ANKRD28: variants seen among roughly 807,000 people sequenced by gnomAD.
The protein encoded by ANKRD28 is serine/threonine-protein phosphatase 6 regulatory ankyrin repeat subunit A.
ANKRD28 carries 44 observed loss-of-function variants against 126.5 expected under a neutral mutation model. The ratio of observed to expected loss-of-function variants is 0.35; its 90% CI spans 0.27 to 0.45. The LOEUF is 0.45. ANKRD28 is among the 20% of genes least tolerant of loss of function. The pLI, the probability that ANKRD28 is intolerant of heterozygous loss-of-function variation, is 1.00. For synonymous variants in ANKRD28, 442 were observed against 468.5 expected, an observed-to-expected ratio of 0.94 and a Z score of 0.73; for missense variants, 1,110 against 1,316.6, an observed-to-expected ratio of 0.84 and a Z score of 2.43.
chr3:15,733,055 T>C (rs992926228), intron 6 of ANKRD28: 1 of 152,286 alleles, frequency 6.6e-6, no homozygotes, highest in Admixed American at 6.5e-5. Flanking sequence ...TAATCCCAGC[T>C]ACTCAGGAGG....
At position 15,670,139 on chromosome 3, in the gene ANKRD28, G is replaced by C. The variant is rs1348149211; in HGVS notation, c.*131C>G. On this transcript the variant is annotated 3_prime_UTR_variant, in exon 28 of 28. Coordinates refer to ENST00000683139, the MANE Select transcript of ANKRD28 (RefSeq NM_001349278.2). ...AAAACTCTTCCTCCTAATGCCATCA[G>C]ATCTCTTAACATTGGCTCACTGTGG... 9.8e-7 allele frequency: 1 copy of C among 1,022,332 alleles called. No individual in the cohort carries two copies. The highest frequency in any genetic ancestry group is 1.6e-5 in the African/African-American group (1 of 61,432). The allele number at this position is 1,022,332 out of a possible 1,614,324, so 63.3% of individuals were successfully genotyped here.
intron 14 of ANKRD28, among the ~76,000 whole-genome samples, chr3:15,701,203 T>G (rs1422620290): frequency 6.6e-6 from 1 of 152,246 alleles, no homozygotes; most frequent in East Asian, 1.9e-4. Flanking sequence ...CTTTAAATGC[T>G]GAATTTCTTA....
chr3:15,772,789 C>T (rs113041339), intron 2 of ANKRD28, among the ~76,000 whole-genome samples: 3,286 of 152,222 alleles, frequency 0.022, 121 homozygotes, highest in African/African-American at 0.074. Flanking sequence ...CGGGTTCAAG[C>T]GATTCTCCTG....
At position 15,815,422 on chromosome 3, in the gene ANKRD28, C is replaced by G. The variant is rs6805034; in HGVS notation, c.28-20116G>C. ...AATGATCCTCCCACCTCAGCCTCCT[C>G]AGTAGCTGCGACCACAGGCATGCAT... On this transcript the variant is annotated intron_variant, in intron 1 of 27. Coordinates refer to the ANKRD28 transcript ENST00000399451. This position sits in a 1 kb window ranked among gnomAD's most constrained non-coding sequence, Gnocchi z 4.1. 0.81 allele frequency among the ~76,000 whole-genome samples: 123,882 copies of G among 152,052 alleles called. 50,607 individuals are homozygous for G. Among genetic ancestry groups the G allele is most frequent in the East Asian group, 0.93 (4,813 of 5,174 alleles).
intron 1 of ANKRD28, among the ~76,000 whole-genome samples, chr3:15,813,960 G>A (rs1442466075): frequency 6.6e-6 from 1 of 152,138 alleles, no homozygotes; most frequent in African/African-American, 2.4e-5. Context: ...ATTTTCAGCT[G>A]TTTAACATTT....
chr3:15,820,319 T>C (rs2060915617), intron 1 of ANKRD28, among the ~76,000 whole-genome samples: 1 of 152,212 alleles, frequency 6.6e-6, no homozygotes, highest in Non-Finnish European at 1.5e-5. Flanking sequence ...TGCTTTATTA[T>C]ACCTGACAGT....
chr3:15,748,872 A>C (rs2057660551), intron 4 of ANKRD28, among the ~76,000 whole-genome samples: 1 of 152,106 alleles, frequency 6.6e-6, no homozygotes, highest in Non-Finnish European at 1.5e-5. Context: ...AACTTCTTGG[A>C]GACTTCGTTC....
Position 15,745,667 on chromosome 3 carries a change from G to C in ANKRD28, c.351+6083C>G, listed in dbSNP as rs377309656. On this transcript the variant is annotated intron_variant, in intron 4 of 27. Transcript: ENST00000683139. ...TGATGCCTCCAGATTTGGTCTTTTT[G>C]CTTAGTCTTGCTTTGGCTATGCAGG... Among the ~76,000 whole-genome samples the C allele has an allele frequency of 2.7e-3, 407 of 152,098 alleles. 1 individual carries two copies. The highest frequency in any genetic ancestry group is 9.5e-3 in the African/African-American group (393 of 41,486).
intron 1 of ANKRD28, among the ~76,000 whole-genome samples, chr3:15,825,209 G>A (rs772665301): frequency 1.1e-4 from 17 of 152,202 alleles, no homozygotes; most frequent in Non-Finnish European, 2.2e-4. Context: ...TAAATGAAGA[G>A]AAAGAAAAGC....
intron 1 of ANKRD28, among the ~76,000 whole-genome samples, chr3:15,835,910 T>C (rs1000639932): frequency 6.6e-6 from 1 of 152,138 alleles, no homozygotes; most frequent in African/African-American, 2.4e-5. Flanking sequence ...TAATTACAGG[T>C]AAAGGAAAAA....
At chr3:15,836,467 C>T (rs1456730524) in intron 1 of ANKRD28, among the ~76,000 whole-genome samples, 8 of 152,042 alleles carry the variant, frequency 5.3e-5, no homozygotes, top group Non-Finnish European at 8.8e-5. Context: ...AACTGAGATA[C>T]AAATCCAACC....
chr3:15,712,471 C>G (rs2072438711), intron 10 of ANKRD28, among the ~76,000 whole-genome samples: 2 of 152,172 alleles, frequency 1.3e-5, no homozygotes, highest in South Asian at 4.1e-4. Context: ...ACGTGAGAAG[C>G]CATTCTGTGC....
rs560909955 is a variant in ANKRD28 at position 15,707,881 on chromosome 3, T to C, written c.1547+43A>G. 4 of 1,578,006 alleles carry C rather than the reference T, an allele frequency of 2.5e-6. No individual in the cohort carries two copies. The East Asian group carries it at 9.1e-5, about 36-fold the overall frequency. On this transcript the variant is annotated intron_variant, in intron 14 of 27. Transcript: ENST00000683139. ...AACATCCATATGGAAGATGCCAGTT[T>C]ATAGAAATATTGATCCTCCACTCTC...
intron 6 of ANKRD28, chr3:15,733,614 T>A (rs2074808966): frequency 6.6e-6 from 1 of 152,250 alleles, no homozygotes; most frequent in Admixed American, 6.5e-5. Flanking sequence ...CAAAATGTAG[T>A]AATTTTCTGA....
At chr3:15,837,979 A>G (rs1175004674) in intron 1 of ANKRD28, among the ~76,000 whole-genome samples, 1 of 152,140 alleles carries the variant, frequency 6.6e-6, no homozygotes, top group African/African-American at 2.4e-5. Flanking sequence ...AGGAATTAAA[A>G]GAATTTTAAG....
intron 2 of ANKRD28, among the ~76,000 whole-genome samples, chr3:15,779,376 C>T (rs1363484685): frequency 1.3e-5 from 2 of 152,058 alleles, no homozygotes; most frequent in East Asian, 3.8e-4. Flanking sequence ...ACCAACATAC[C>T]AAATATTATC....
At chr3:15,703,278 A>C (rs2070882592) in intron 14 of ANKRD28, among the ~76,000 whole-genome samples, 1 of 152,246 alleles carries the variant, frequency 6.6e-6, no homozygotes, top group South Asian at 2.1e-4. Flanking sequence ...AAAACAGACA[A>C]AAATAAACTG....
At chr3:15,850,204 A>AATATATATATATATATAT (rs1226795631) in intron 1 of ANKRD28, among the ~76,000 whole-genome samples, 10 of 54,818 alleles carry the variant, frequency 1.8e-4, no homozygotes, top group Non-Finnish European at 2.7e-4. Flanking sequence ...AAAAAAAAAA[A>AATATATATATATATATAT]ATATATATAT....
At position 15,670,342 on chromosome 3, in the gene ANKRD28, G is replaced by A. The variant is rs1371370932; in HGVS notation, c.3180C>T (p.Asn1060=). ...NEPSSYCSFN[N]IGGEQEYLYT... is the part of the protein sequence containing the mutation. ...ATAAGTACTCCTGTTCCCCTCCAAT[G>A]TTATTGAAACTGCAATAGGAGCTAG... The change falls in exon 28 of 28, where the codon AAC becomes AAT. Residue 1060 remains asparagine, a synonymous_variant. Coordinates refer to ENST00000683139, the MANE Select transcript of ANKRD28 (RefSeq NM_001349278.2). 42 of 1,613,808 alleles carry A rather than the reference G, an allele frequency of 2.6e-5. 1 individual carries two copies. In the Admixed American group the frequency reaches 6.0e-4, roughly 23 times the overall value.
Sources: gnomAD v4.1 joint callset for allele counts (sites outside exome capture counted in the v4.1 genomes callset) on GRCh38, gnomAD v4.1.1 for gene constraint, Gnocchi (gnomAD v3.1) non-coding constraint, MANE v1.5 for transcripts, NCBI Gene and HGNC (gene_info 2026-07-23, HGNC 2026-07-21) for gene names.